RUFY3: variants seen among roughly 807,000 people sequenced by gnomAD.
RUFY3 encodes protein RUFY3.
Under a neutral mutation model 84.0 loss-of-function variants are expected in RUFY3, and 34 were observed. That is an observed-to-expected ratio of 0.40 (90% CI 0.31 to 0.54). The LOEUF is 0.54. RUFY3 is among the 20% of genes least tolerant of loss of function. The pLI, the probability that RUFY3 is intolerant of heterozygous loss-of-function variation, is 0.39. For missense variants in RUFY3, 507 were observed against 736.8 expected, an observed-to-expected ratio of 0.69 and a Z score of 3.61; for synonymous variants, 242 against 252.9, an observed-to-expected ratio of 0.96 and a Z score of 0.41.
At chr4:70,745,191 G>A (rs1722003594) in intron 1 of RUFY3, among the ~76,000 whole-genome samples, 1 of 152,048 alleles carries the variant, frequency 6.6e-6, no homozygotes, top group Non-Finnish European at 1.5e-5. Context: ...TGGTCCACCC[G>A]CCTTGGCCTC....
At chr4:70,789,832 A>G in intron 12 of RUFY3, 25 of 1,159,118 alleles carry the variant, frequency 2.2e-5, no homozygotes, top group Non-Finnish European at 2.7e-5. Flanking sequence ...TCAGCCTTTT[A>G]TGACTGTTTT....
chr4:70,734,535 C>A (rs6856051), intron 1 of RUFY3: 45,704 of 985,232 alleles, frequency 0.046, 2,472 homozygotes, highest in African/African-American at 0.25. Context: ...TTTCTGGACA[C>A]GGTTCATCCC....
intron 1 of RUFY3, among the ~76,000 whole-genome samples, chr4:70,749,657 C>CT (rs537416557): frequency 0.045 from 5,977 of 132,108 alleles, 196 homozygotes; most frequent in African/African-American, 0.087. Context: ...CTTGTCTTGT[C>CT]TTTTTTTTTT....
At chr4:70,738,836 G>A (rs1720841167) in intron 1 of RUFY3, among the ~76,000 whole-genome samples, 2 of 151,844 alleles carry the variant, frequency 1.3e-5, no homozygotes, top group Admixed American at 6.6e-5. Context: ...GCCGTGGCAT[G>A]ATCATAGCTT....
chr4:70,719,100 T>C (rs1741985529), upstream of RUFY3, among the ~76,000 whole-genome samples: 1 of 152,242 alleles, frequency 6.6e-6, no homozygotes, highest in Non-Finnish European at 1.5e-5. Flanking sequence ...CTGTTCGTGC[T>C]GAAGACTCAA....
intron 1 of RUFY3, among the ~76,000 whole-genome samples, chr4:70,759,356 T>TGTGTGTGTGTGTGTG (rs58429331): frequency 8.3e-6 from 1 of 119,910 alleles, no homozygotes; most frequent in African/African-American, 3.2e-5. Flanking sequence ...ATGGCTGAAT[T>TGTGTGTGTGTGTGTG]TGTGTGTGTG....
At chr4:70,796,386 G>A (rs957839190) in intron 14 of RUFY3, among the ~76,000 whole-genome samples, 5 of 152,066 alleles carry the variant, frequency 3.3e-5, no homozygotes, top group Non-Finnish European at 7.4e-5. Context: ...TGCTTTGATT[G>A]TGCTTTGTCT....
Position 70,749,338 on chromosome 4 carries a change from G to A in RUFY3, c.179-13181G>A, listed in dbSNP as rs547872200. Among the ~76,000 whole-genome samples the A allele has an allele frequency of 5.6e-3, 847 of 152,128 alleles. 8 individuals carry two copies. The highest frequency in any genetic ancestry group is 0.016 in the South Asian group (77 of 4,812). On this transcript the variant is annotated intron_variant, in intron 1 of 17. Transcript: ENST00000381006. ...ACTAAAATTGATTATATTATGATAT[G>A]GGAGCCCAATGAAGAAGAAATCAGT...
intron 1 of RUFY3, among the ~76,000 whole-genome samples, chr4:70,713,816 CTCTT>C (rs958790210): frequency 1.4e-4 from 22 of 152,170 alleles, no homozygotes; most frequent in African/African-American, 5.1e-4. Flanking sequence ...TGACCCATCT[CTCTT>C]CCTTCCTCAA....
At chr4:70,783,487 A>G (rs889153742) in intron 9 of RUFY3, among the ~76,000 whole-genome samples, 1 of 152,234 alleles carries the variant, frequency 6.6e-6, no homozygotes, top group Admixed American at 6.5e-5. Context: ...TGTTAAACAT[A>G]CTATTACTTT....
chr4:70,731,724 T>TCA (rs1719306310), intron 1 of RUFY3, among the ~76,000 whole-genome samples: 1 of 152,144 alleles, frequency 6.6e-6, no homozygotes, highest in African/African-American at 2.4e-5. Flanking sequence ...TGCACCACCA[T>TCA]GCCCGGCTAA....
intron 1 of RUFY3, among the ~76,000 whole-genome samples, chr4:70,757,450 C>T (rs1724222978): frequency 6.6e-6 from 1 of 151,920 alleles, no homozygotes; most frequent in Non-Finnish European, 1.5e-5. Flanking sequence ...ACTAAAAATA[C>T]AAAACTAGCC....
rs1006683503 is a variant in RUFY3, at chr4:70,790,348, T to A, written c.1337+756T>A. On this transcript the variant is annotated intron_variant, in intron 12 of 17. Coordinates refer to ENST00000381006, the MANE Select transcript of RUFY3 (RefSeq NM_001037442.4). ...AATGTGACGTGGTACCCAAGGTCAT[T>A]TGATGTTTCTACCCTTAACACCTGT... is the stretch of plus-strand genomic sequence containing the variant. Among the ~76,000 whole-genome samples, 4 of 152,202 alleles carry A rather than the reference T, an allele frequency of 2.6e-5. No homozygotes were observed. The South Asian group carries it at 8.3e-4, about 31-fold the overall frequency.
At chr4:70,764,827 G>A (rs1361080105) in intron 4 of RUFY3, among the ~76,000 whole-genome samples, 1 of 152,098 alleles carries the variant, frequency 6.6e-6, no homozygotes, top group Non-Finnish European at 1.5e-5. Context: ...GAAAACAGAA[G>A]GCACCTTAGC....
chr4:70,718,019 A>AT (rs1463265379), upstream of RUFY3, among the ~76,000 whole-genome samples: 1 of 151,074 alleles, frequency 6.6e-6, no homozygotes, highest in Non-Finnish European at 1.5e-5. Flanking sequence ...AGTAGCTGGG[A>AT]TTACAGGCAC....
intron 1 of RUFY3, among the ~76,000 whole-genome samples, chr4:70,759,190 A>G (rs963869667): frequency 1.3e-5 from 2 of 152,112 alleles, no homozygotes; most frequent in Non-Finnish European, 2.9e-5. Flanking sequence ...AATAATCACA[A>G]TTCTACTCTC....
intron 8 of RUFY3, among the ~76,000 whole-genome samples, chr4:70,780,925 C>G (rs967724682): frequency 3.3e-5 from 5 of 152,012 alleles, no homozygotes; most frequent in Non-Finnish European, 7.4e-5. Context: ...CTCATTAGTT[C>G]TGCCTTTTTT....
At chr4:70,791,957 A>G (rs1730897577) in intron 12 of RUFY3, 1 of 983,502 alleles carries the variant, frequency 1.0e-6, no homozygotes, top group Non-Finnish European at 1.2e-6. Flanking sequence ...TCTTTAAAAT[A>G]CATAGAAATA....
chr4:70,744,520 A>G (rs920554096), intron 1 of RUFY3, among the ~76,000 whole-genome samples: 1 of 152,052 alleles, frequency 6.6e-6, no homozygotes, highest in Non-Finnish European at 1.5e-5. Context: ...TTTTTAATAG[A>G]TAGAGTGTTA....
Sources: allele counts gnomAD v4.1 joint callset (sites outside exome capture counted in the v4.1 genomes callset), GRCh38; gene constraint gnomAD v4.1.1; transcripts MANE v1.5; gene names NCBI Gene and HGNC (gene_info 2026-07-23, HGNC 2026-07-21).